Variants in CTBP1 observed in about 807,000 individuals in gnomAD.
CTBP1 encodes C-terminal binding protein 1, also known as C-terminal-binding protein 1.
Under a neutral mutation model 42.1 loss-of-function variants are expected in CTBP1, and 11 were observed. That is an observed-to-expected ratio of 0.26 (90% confidence interval 0.16 to 0.43). The LOEUF (loss-of-function observed/expected upper bound fraction) is 0.43. CTBP1 is among the 20% of genes least tolerant of loss of function. The pLI is 1.00. For synonymous variants in CTBP1, 324 were observed against 277.1 expected (o/e 1.17, Z -1.68); for missense variants, 399 against 624.3 (o/e 0.64, Z 3.85).
In CTBP1 at chr4:1,235,856, G is replaced by C. The variant is rs905712274; in HGVS notation, c.162+2327C>G. ...TCGGCTGACGCTGTCTTCCTCTAAAGGGGCCGTCTTACTTCTTTTGCCAGG... is the reference window on the plus strand; with the variant it reads ...TCGGCTGACGCTGTCTTCCTCTAAACGGGCCGTCTTACTTCTTTTGCCAGG... On this transcript the variant is annotated intron_variant, in intron 3 of 9. Coordinates refer to ENST00000382952, the MANE Select transcript of CTBP1 (RefSeq NM_001012614.2). The surrounding 1 kb of genome is among the most constrained non-coding windows in gnomAD (Gnocchi z 4.2). 1.3e-5 allele frequency: 2 copies of C among 152,232 alleles called. No individual in the cohort carries two copies. Among genetic ancestry groups the C allele is most frequent in the Non-Finnish European group, 2.9e-5 (2 of 68,042 alleles). The allele number at this position is 152,232 out of a possible 1,614,324, so 9.4% of individuals were successfully genotyped here. A position where few individuals can be genotyped will look rare whatever the true frequency, so the allele number is the denominator to read the frequency against.
intron 2 of CTBP1, 149 bp downstream of exon 2, chr4:1,241,176 A>G: frequency 2.7e-6 from 2 of 744,510 alleles, no homozygotes; most frequent in Non-Finnish European, 4.9e-6. Context: ...CCTCGCCCAG[A>G]GCACACCGGG....
Position 1,249,022 on chromosome 4 carries a change from T to C in CTBP1, c.-295A>G. The C allele has an allele frequency of 1.3e-6, 1 of 790,512 alleles. No homozygotes were observed. The highest frequency in any genetic ancestry group is 1.5e-6 in the Non-Finnish European group (1 of 656,536). The allele number at this position is 790,512 out of a possible 1,614,324, so 49.0% of individuals were successfully genotyped here. The stretch of plus-strand genomic sequence containing the variant: ...GCTGCGCCGCCGCGAGCCCGGCGCG[T>C]GGGGCGGCCTCGGCGCCGTCCGCTG... On this transcript the variant is annotated 5_prime_UTR_variant, in exon 1 of 10. Coordinates refer to ENST00000382952, the MANE Select transcript of CTBP1 (RefSeq NM_001012614.2).
intron 1 of CTBP1, among the ~76,000 whole-genome samples, chr4:1,248,488 C>T (rs888352648): frequency 2.0e-5 from 3 of 150,670 alleles, no homozygotes; most frequent in Non-Finnish European, 4.4e-5. Context: ...GAGCTGCGCA[C>T]GGCTCCCGCC....
chr4:1,246,199 G>A (rs575928409), intron 1 of CTBP1, among the ~76,000 whole-genome samples: 118 of 152,246 alleles, frequency 7.8e-4, no homozygotes, highest in Non-Finnish European at 1.3e-3. Context: ...GAGGACCCGG[G>A]GGTCCAGACA....
chr4:1,232,470 C>T lies in CTBP1; in HGVS notation c.163-4127G>A, dbSNP rs186055267. Among the ~76,000 whole-genome samples, 518 of 152,098 alleles carry T rather than the reference C, an allele frequency of 3.4e-3. 5 individuals are homozygous for T. Among genetic ancestry groups the T allele is most frequent in the South Asian group, 6.2e-3 (30 of 4,810 alleles). On this transcript the variant is annotated intron_variant, in intron 3 of 9. Coordinates refer to ENST00000382952, the MANE Select transcript of CTBP1 (RefSeq NM_001012614.2). ...TGGACTACAGGCGCGCACCACCACG[C>T]GTGGCTAATTTCTATATTTTTAGTA...
At chr4:1,232,229 C>T (rs1422519531) in intron 3 of CTBP1, among the ~76,000 whole-genome samples, 1 of 152,196 alleles carries the variant, frequency 6.6e-6, no homozygotes, top group Non-Finnish European at 1.5e-5. Context: ...AGACATTCAC[C>T]CTTAGGCTGG....
intron 3 of CTBP1, among the ~76,000 whole-genome samples, chr4:1,229,300 C>T (rs1005155419): frequency 6.6e-6 from 1 of 152,252 alleles, no homozygotes. Flanking sequence ...CACCCAAACA[C>T]ATCCACCCGC....
chr4:1,242,868 G>A (rs1732318828), intron 1 of CTBP1: 1 of 985,268 alleles, frequency 1.0e-6, no homozygotes, highest in Non-Finnish European at 1.2e-6. Flanking sequence ...CCTGGCCAGG[G>A]GGCAAGGCAC....
intron 6 of CTBP1, chr4:1,215,737 A>C: frequency 1.8e-6 from 1 of 543,334 alleles, no homozygotes; most frequent in South Asian, 2.1e-5. Context: ...GCTTCAGGGG[A>C]ATTTGGTGTT....
chr4:1,212,676 C>A (rs545598183), intron 9 of CTBP1: 4 of 610,744 alleles, frequency 6.5e-6, no homozygotes, highest in East Asian at 2.8e-5. Context: ...CTCCCACAGG[C>A]CCCGTGCCCA....
intron 1 of CTBP1, chr4:1,243,433 T>C: frequency 1.0e-6 from 1 of 985,378 alleles, no homozygotes; most frequent in Non-Finnish European, 1.2e-6. Flanking sequence ...GGACTTCCTG[T>C]GGTTCCTTGT....
intron 3 of CTBP1, among the ~76,000 whole-genome samples, chr4:1,229,607 C>T (rs936990736): frequency 2.0e-5 from 3 of 152,298 alleles, no homozygotes; most frequent in South Asian, 2.1e-4. Flanking sequence ...CTGTGGATCC[C>T]GGGCGGCAGT....
At chr4:1,244,248 CG>C in intron 1 of CTBP1, 1 of 985,058 alleles carries the variant, frequency 1.0e-6, no homozygotes, top group Non-Finnish European at 1.2e-6. Context: ...TGCTGGGCAT[CG>C]GTCCATTCTG....
At position 1,248,944 on chromosome 4, in the gene CTBP1, C is replaced by T. The variant is rs1016682824; in HGVS notation, c.-217G>A. Reference sequence around the variant, plus strand: ...GCGGCAGGCCCTTGTTGAGCAAGTGCGAGCTGCCCATCGAGAGGCGCGAGC... The same window carrying T: ...GCGGCAGGCCCTTGTTGAGCAAGTGTGAGCTGCCCATCGAGAGGCGCGAGC... On this transcript the variant is annotated 5_prime_UTR_variant, in exon 1 of 10. Transcript: ENST00000382952. 2.5e-5 allele frequency: 25 copies of T among 1,010,102 alleles called. No homozygotes were observed. The African/African-American group carries it at 3.7e-4, about 15-fold the overall frequency. The allele number at this position is 1,010,102 out of a possible 1,614,324, so 62.6% of individuals were successfully genotyped here. A position where few individuals can be genotyped will look rare whatever the true frequency, so the allele number is the denominator to read the frequency against.
In CTBP1 at chr4:1,249,023, G is replaced by C; in HGVS notation, c.-296C>G. 1.2e-6 allele frequency: 1 copy of C among 800,618 alleles called. No individual in the cohort carries two copies. The highest frequency in any genetic ancestry group is 1.5e-6 in the Non-Finnish European group (1 of 664,468). 49.6% of individuals were successfully genotyped at this position (800,618 alleles called of 1,614,324 possible). A position where few individuals can be genotyped will look rare whatever the true frequency, so the allele number is the denominator to read the frequency against. ...CTGCGCCGCCGCGAGCCCGGCGCGT[G>C]GGGCGGCCTCGGCGCCGTCCGCTGC... On this transcript the variant is annotated 5_prime_UTR_variant, in exon 1 of 10. Coordinates refer to ENST00000382952, the MANE Select transcript of CTBP1 (RefSeq NM_001012614.2).
intron 4 of CTBP1, among the ~76,000 whole-genome samples, chr4:1,225,836 G>A (rs535554035): frequency 1.3e-5 from 2 of 152,150 alleles, no homozygotes; most frequent in Admixed American, 1.3e-4. Context: ...TGGGGTGTGA[G>A]ACGCTGCCCT....
Position 1,242,414 on chromosome 4 carries a change from C to T in CTBP1, c.-188-895G>A, listed in dbSNP as rs530469986. ...GCAGCATGGCAGGCGTGGGCTGAGACGACTGCCTGCCAGGCCAGAAGGGGC... is the reference window on the plus strand; with the variant it reads ...GCAGCATGGCAGGCGTGGGCTGAGATGACTGCCTGCCAGGCCAGAAGGGGC... On this transcript the variant is annotated intron_variant, in intron 1 of 9. Coordinates refer to ENST00000382952, the MANE Select transcript of CTBP1 (RefSeq NM_001012614.2). 3.5e-4 allele frequency: 340 copies of T among 985,332 alleles called. 1 individual carries two copies. The African/African-American group carries it at 5.5e-3, about 16-fold the overall frequency. 61.0% of individuals were successfully genotyped at this position (985,332 alleles called of 1,614,324 possible).
chr4:1,214,113 A>C (rs1388637812), intron 7 of CTBP1: 2 of 548,112 alleles, frequency 3.6e-6, no homozygotes, highest in East Asian at 7.0e-5. Flanking sequence ...GCCCTGCCCA[A>C]AGAAGGGCTG....
rs368831347 is a variant in CTBP1 at position 1,225,352 on chromosome 4, C to T, written c.514+8G>A. Reference sequence around the variant, plus strand: ...AGGGACACAGGCGTGGAGCTGCGGCCGACGCACCAAGTCCGATGATGCCCA... The same window carrying T: ...AGGGACACAGGCGTGGAGCTGCGGCTGACGCACCAAGTCCGATGATGCCCA... On this transcript the variant is annotated splice_region_variant and intron_variant, in intron 5 of 9. Coordinates refer to ENST00000382952, the MANE Select transcript of CTBP1 (RefSeq NM_001012614.2). 213 of 1,543,872 alleles carry T rather than the reference C, an allele frequency of 1.4e-4. 1 individual carries two copies. The highest frequency in any genetic ancestry group is 1.8e-4 in the Non-Finnish European group (203 of 1,149,710).
Sources: gnomAD v4.1 joint callset for allele counts (sites outside exome capture counted in the v4.1 genomes callset) on GRCh38, gnomAD v4.1.1 for gene constraint, Gnocchi (gnomAD v3.1) non-coding constraint, MANE v1.5 for transcripts, NCBI Gene and HGNC (gene_info 2026-07-23, HGNC 2026-07-21) for gene names.